The following SNTG2 variants were observed in gnomAD, a reference collection of about 807,000 sequenced individuals.
SNTG2 encodes the protein gamma-2-syntrophin.
SNTG2 carries 74 observed loss-of-function variants against 70.9 expected under a neutral mutation model. The ratio of observed to expected loss-of-function variants is 1.04; its 90% CI spans 0.86 to 1.27. SNTG2 has a LOEUF of 1.27. Ranked by LOEUF, SNTG2 falls within the 50% of genes most tolerant of loss-of-function variation. SNTG2 has a pLI of 0.00. For missense variants in SNTG2, 717 were observed against 690.7 expected (o/e 1.04, Z -0.43); for synonymous variants, 278 against 273.8 (o/e 1.02, Z -0.15).
At chr2:1,321,721 C>T (rs1292513168) in intron 16 of SNTG2, among the ~76,000 whole-genome samples, 1 of 152,194 alleles carries the variant, frequency 6.6e-6, no homozygotes, top group Non-Finnish European at 1.5e-5. Flanking sequence ...CCTAAATGTT[C>T]TCATGCAGAC....
intron 8 of SNTG2, among the ~76,000 whole-genome samples, chr2:1,187,744 A>G (rs72768809): frequency 0.046 from 7,006 of 152,282 alleles, 266 homozygotes; most frequent in East Asian, 0.21. Flanking sequence ...AAAGAATGGC[A>G]ATTTAGTTGA....
chr2:1,123,637 A>G (rs1441799310), intron 4 of SNTG2, among the ~76,000 whole-genome samples: 1 of 152,184 alleles, frequency 6.6e-6, no homozygotes, highest in Non-Finnish European at 1.5e-5. Context: ...GCTCGTTGAT[A>G]TTGGCCTTGG....
At position 1,016,905 on chromosome 2, in the gene SNTG2, G is replaced by A. The variant is rs149689683; in HGVS notation, c.72+65837G>A. On this transcript the variant is annotated intron_variant, in intron 1 of 16. Coordinates refer to ENST00000308624, the MANE Select transcript of SNTG2 (RefSeq NM_018968.4). The stretch of plus-strand genomic sequence containing the variant: ...ACCAGCCAGGACCAGATCATGGTGG[G>A]TGGTCTCTTATCAGGAGAAAATTAC... 4.7e-3 allele frequency among the ~76,000 whole-genome samples: 712 copies of A among 152,280 alleles called. 6 individuals carry two copies. The highest frequency in any genetic ancestry group is 0.014 in the African/African-American group (601 of 41,552).
At chr2:1,294,394 TATGTGCTCAAATG>T (rs1384763522) in intron 14 of SNTG2, among the ~76,000 whole-genome samples, 2 of 152,268 alleles carry the variant, frequency 1.3e-5, no homozygotes, top group Non-Finnish European at 2.9e-5. Context: ...TGGTACATTT[TATGTGCTCAAATG>T]TTTGAGAAAT....
At chr2:1,193,758 C>G (rs1672738758) in intron 8 of SNTG2, among the ~76,000 whole-genome samples, 1 of 152,202 alleles carries the variant, frequency 6.6e-6, no homozygotes, top group Admixed American at 6.5e-5. Flanking sequence ...ACCAAGAATT[C>G]ACCATCTACT....
intron 16 of SNTG2, among the ~76,000 whole-genome samples, chr2:1,333,699 A>C (rs1659651136): frequency 1.3e-5 from 2 of 152,182 alleles, no homozygotes; most frequent in Admixed American, 1.3e-4. Context: ...AGAGAACTCT[A>C]TTCAATATAT....
chr2:994,487 C>T (rs1248969791), intron 1 of SNTG2, among the ~76,000 whole-genome samples: 1 of 151,974 alleles, frequency 6.6e-6, no homozygotes, highest in Admixed American at 6.6e-5. Flanking sequence ...CTTTGTTCTT[C>T]TTTGTTAGGA....
In SNTG2 at chr2:1,173,920, T is replaced by C. The variant is rs149617477; in HGVS notation, c.591+737T>C. ...AGAAATGTAGAATCCTGTAAGCAGT[T>C]TGAAAAAATGTTTTATTATAAATCA... On this transcript the variant is annotated intron_variant, in intron 8 of 16. Transcript: ENST00000308624. 6.3e-3 allele frequency among the ~76,000 whole-genome samples: 955 copies of C among 152,366 alleles called. 8 individuals carry two copies. The highest frequency in any genetic ancestry group is 0.022 in the African/African-American group (907 of 41,588).
intron 13 of SNTG2, among the ~76,000 whole-genome samples, chr2:1,266,653 G>A (rs929118338): frequency 3.9e-5 from 6 of 151,958 alleles, no homozygotes; most frequent in Admixed American, 6.6e-5. Flanking sequence ...ACTCGGAGGC[G>A]CAGGGGGCAC....
At chr2:1,070,342 C>G (rs967993299) in intron 1 of SNTG2, among the ~76,000 whole-genome samples, 1 of 152,230 alleles carries the variant, frequency 6.6e-6, no homozygotes, top group East Asian at 1.9e-4. Flanking sequence ...GATGCCATCA[C>G]GTCACCCAAG....
chr2:952,483 G>A (rs1660007099), intron 1 of SNTG2, among the ~76,000 whole-genome samples: 1 of 152,216 alleles, frequency 6.6e-6, no homozygotes, highest in Non-Finnish European at 1.5e-5. Context: ...TAAAGCAACT[G>A]CGCGTATTCT....
chr2:1,207,360 AT>A (rs2147986250), intron 8 of SNTG2, among the ~76,000 whole-genome samples: 1 of 152,336 alleles, frequency 6.6e-6, no homozygotes, highest in Non-Finnish European at 1.5e-5. Context: ...CATGGAATTA[AT>A]AAATATAGAG....
In SNTG2 at chr2:966,926, G is replaced by A. The variant is rs539791560; in HGVS notation, c.72+15858G>A. On this transcript the variant is annotated intron_variant, in intron 1 of 16. Coordinates refer to ENST00000308624, the MANE Select transcript of SNTG2 (RefSeq NM_018968.4). The stretch of plus-strand genomic sequence containing the variant: ...CGCGCCACTGCCCTCCAGCCTGGGC[G>A]ACAGAGCAAGACTCTGTCTCAAACA... Among the ~76,000 whole-genome samples the A allele has an allele frequency of 2.8e-4, 42 of 151,956 alleles. 1 individual carries two copies. In the East Asian group the frequency reaches 3.9e-3, roughly 14 times the overall value.
intron 1 of SNTG2, among the ~76,000 whole-genome samples, chr2:956,446 T>C (rs1660161367): frequency 1.3e-5 from 2 of 152,306 alleles, no homozygotes; most frequent in East Asian, 1.9e-4. Flanking sequence ...CACACCTTGG[T>C]TGGGCACGTG....
rs186395639 is a variant in SNTG2 at position 1,001,979 on chromosome 2, T to A, written c.72+50911T>A. On this transcript the variant is annotated intron_variant, in intron 1 of 16. Transcript: ENST00000308624. ...AAGCCACATACATACAGGCAACTGA[T>A]CTTTTACAAAGTTGATGAAAACACA... Among the ~76,000 whole-genome samples the A allele has an allele frequency of 5.8e-4, 88 of 152,204 alleles. 1 individual carries two copies. The highest frequency in any genetic ancestry group is 1.9e-3 in the African/African-American group (78 of 41,564).
At chr2:981,545 A>G (rs62106772) in intron 1 of SNTG2, among the ~76,000 whole-genome samples, 11,619 of 152,234 alleles carry the variant, frequency 0.076, 664 homozygotes, top group South Asian at 0.2. Context: ...ATGAGCACAC[A>G]CATGCACACA....
intron 1 of SNTG2, among the ~76,000 whole-genome samples, chr2:1,061,240 CGT>C (rs1313071804): frequency 1.3e-5 from 2 of 152,124 alleles, no homozygotes; most frequent in African/African-American, 4.8e-5. Context: ...AGCACAAAGC[CGT>C]GTGATCCTGG....
intron 4 of SNTG2, among the ~76,000 whole-genome samples, chr2:1,101,565 T>G (rs2148221588): frequency 6.6e-6 from 1 of 152,226 alleles, no homozygotes. Context: ...CCTGAATGTC[T>G]TGTGTTAAAC....
chr2:1,225,013 T>A (rs1049540227), intron 9 of SNTG2, among the ~76,000 whole-genome samples: 1 of 152,228 alleles, frequency 6.6e-6, no homozygotes, highest in African/African-American at 2.4e-5. Context: ...GTGGCTTTAA[T>A]GTACAGAAGA....
Sources: gnomAD v4.1 joint callset for allele counts (sites outside exome capture counted in the v4.1 genomes callset) on GRCh38, gnomAD v4.1.1 for gene constraint, MANE v1.5 for transcripts, NCBI Gene and HGNC (gene_info 2026-07-23, HGNC 2026-07-21) for gene names.